The following ZMIZ1 variants were observed in gnomAD, a reference collection of about 807,000 sequenced individuals.
ZMIZ1 encodes the protein zinc finger MIZ-type containing 1, also known as zinc finger MIZ domain-containing protein 1.
In ZMIZ1, 17 loss-of-function variants were observed where a neutral mutation model predicts 113.9. The ratio of observed to expected loss-of-function variants is 0.15; its 90% CI spans 0.10 to 0.22. The LOEUF (loss-of-function observed/expected upper bound fraction) is 0.22, where lower values mean the gene tolerates loss of function less well. Ranked by LOEUF, ZMIZ1 falls within the 10% of genes least tolerant of loss-of-function variation. The pLI is 1.00. For missense variants in ZMIZ1, 1,059 were observed against 1,477.8 expected (o/e 0.72, Z 4.65); for synonymous variants, 607 against 603.1 (o/e 1.01, Z -0.09).
At chr10:79,177,507 C>T (rs1280489957) in intron 4 of ZMIZ1, among the ~76,000 whole-genome samples, 1 of 152,142 alleles carries the variant, frequency 6.6e-6, no homozygotes, top group African/African-American at 2.4e-5. Context: ...GTGAGAAGGG[C>T]CGGGGGAGAT....
chr10:79,092,102 G>C (rs999925180), intron 1 of ZMIZ1, among the ~76,000 whole-genome samples: 17 of 152,150 alleles, frequency 1.1e-4, no homozygotes. Flanking sequence ...TGGGGCTTCT[G>C]AAGATCTGGG....
chr10:79,281,624 G>C (rs1007389447), intron 8 of ZMIZ1, among the ~76,000 whole-genome samples: 1 of 152,220 alleles, frequency 6.6e-6, no homozygotes, highest in Non-Finnish European at 1.5e-5. Context: ...TACTCTTTGG[G>C]CCATAAGTGG....
chr10:79,116,808 G>T (rs2132316194), intron 1 of ZMIZ1, among the ~76,000 whole-genome samples: 1 of 152,296 alleles, frequency 6.6e-6, no homozygotes. Flanking sequence ...ACCCACTAGA[G>T]CCCCCTGTGC....
At chr10:79,307,101 G>A (rs1191277803) in intron 22 of ZMIZ1, among the ~76,000 whole-genome samples, 1 of 152,120 alleles carries the variant, frequency 6.6e-6, no homozygotes. Flanking sequence ...AGCTCAGCAG[G>A]TCTGCTCTAG....
At chr10:79,157,817 G>C (rs1186072058) in intron 3 of ZMIZ1, among the ~76,000 whole-genome samples, 1 of 152,188 alleles carries the variant, frequency 6.6e-6, no homozygotes, top group Non-Finnish European at 1.5e-5. Context: ...CCCGCCAGGG[G>C]AGGACAGGGG....
rs538840212 is a variant in ZMIZ1 at position 79,116,276 on chromosome 10, G to C, written c.-336-2639G>C. On this transcript the variant is annotated intron_variant, in intron 1 of 24. Coordinates refer to ENST00000334512, the MANE Select transcript of ZMIZ1 (RefSeq NM_020338.4). ...TGCTCTGGCCATCACAGTATGGCTGGGGGTGTCTCGACCCTGGGGGAAGAG... is the reference window on the plus strand; with the variant it reads ...TGCTCTGGCCATCACAGTATGGCTGCGGGTGTCTCGACCCTGGGGGAAGAG... Among the ~76,000 whole-genome samples, 6 of 152,172 alleles carry C rather than the reference G, an allele frequency of 3.9e-5. No individual in the cohort carries two copies. In the South Asian group the frequency reaches 1.2e-3, roughly 32 times the overall value.
At chr10:79,201,433 C>T (rs967491032) in intron 4 of ZMIZ1, among the ~76,000 whole-genome samples, 151 bp from the exon 5 acceptor site, 1 of 152,386 alleles carries the variant, frequency 6.6e-6, no homozygotes, top group African/African-American at 2.4e-5. Context: ...TTCCTGCCCT[C>T]AGCCCAGTGG....
intron 1 of ZMIZ1, among the ~76,000 whole-genome samples, chr10:79,095,519 G>A (rs929665485): frequency 7.9e-5 from 12 of 152,226 alleles, no homozygotes; most frequent in East Asian, 3.9e-4. Context: ...CGGCCTTTCC[G>A]GGTGTCAGGC....
At chr10:79,104,950 GGTGTGTGTGTGTGTGTGT>G (rs58453718) in intron 1 of ZMIZ1, among the ~76,000 whole-genome samples, 13 of 140,188 alleles carry the variant, frequency 9.3e-5, no homozygotes, top group African/African-American at 2.9e-4. Context: ...GTTGTTGTGG[GGTGTGTGTGTGTGTGTGT>G]GTGTGTGTGT....
intron 2 of ZMIZ1, among the ~76,000 whole-genome samples, chr10:79,136,882 G>A (rs1845034554): frequency 6.6e-6 from 1 of 152,138 alleles, no homozygotes; most frequent in South Asian, 2.1e-4. Context: ...CCCTGGTGAA[G>A]GCTGGGAATT....
chr10:79,254,532 T>G (rs921564141), intron 7 of ZMIZ1, among the ~76,000 whole-genome samples: 1 of 152,262 alleles, frequency 6.6e-6, no homozygotes, highest in Non-Finnish European at 1.5e-5. Context: ...CGATGGGGCC[T>G]GGCCCGCTGG....
At chr10:79,252,430 G>T (rs1357178231) in intron 7 of ZMIZ1, among the ~76,000 whole-genome samples, 1 of 151,950 alleles carries the variant, frequency 6.6e-6, no homozygotes, top group Admixed American at 6.6e-5. Context: ...TCTCTCCCAG[G>T]AGTGTGTAGT....
chr10:79,187,292 C>G (rs1847389535), intron 4 of ZMIZ1, among the ~76,000 whole-genome samples: 1 of 152,220 alleles, frequency 6.6e-6, no homozygotes, highest in Admixed American at 6.5e-5. Context: ...CTCTCCCATG[C>G]CTGGCTCTAG....
At chr10:79,160,698 T>C (rs1846079661) in intron 3 of ZMIZ1, among the ~76,000 whole-genome samples, 1 of 152,220 alleles carries the variant, frequency 6.6e-6, no homozygotes, top group Non-Finnish European at 1.5e-5. Context: ...CATTTCTCCC[T>C]GGGAGCCCCT....
chr10:79,116,985 G>C (rs79583242), intron 1 of ZMIZ1, among the ~76,000 whole-genome samples: 2,726 of 152,314 alleles, frequency 0.018, 93 homozygotes, highest in African/African-American at 0.061. Flanking sequence ...CTCCTGATTC[G>C]CTTGGGCTCA....
intron 7 of ZMIZ1, among the ~76,000 whole-genome samples, chr10:79,223,532 G>A (rs951432918): frequency 2.6e-5 from 4 of 152,204 alleles, no homozygotes; most frequent in Non-Finnish European, 4.4e-5. Context: ...TTCATCACCC[G>A]GCCCTCTCAG....
intron 22 of ZMIZ1, among the ~76,000 whole-genome samples, chr10:79,306,584 A>G (rs1415137513): frequency 6.6e-6 from 1 of 151,450 alleles, no homozygotes; most frequent in Non-Finnish European, 1.5e-5. Flanking sequence ...TCCCACACCC[A>G]CCCGAGTTCT....
intron 6 of ZMIZ1, among the ~76,000 whole-genome samples, chr10:79,213,828 T>C (rs1848617136): frequency 6.6e-6 from 1 of 152,216 alleles, no homozygotes; most frequent in Admixed American, 6.5e-5. Flanking sequence ...TTCAACCTCT[T>C]TCCTCATCTG....
chr10:79,090,356 G>C (rs1842948637), intron 1 of ZMIZ1, among the ~76,000 whole-genome samples: 1 of 152,176 alleles, frequency 6.6e-6, no homozygotes, highest in South Asian at 2.1e-4. Context: ...GCCCCCTGTG[G>C]CTGTGGCAAG....
Sources: gnomAD v4.1 joint callset for allele counts (sites outside exome capture counted in the v4.1 genomes callset) on GRCh38, gnomAD v4.1.1 for gene constraint, MANE v1.5 for transcripts, NCBI Gene and HGNC (gene_info 2026-07-23, HGNC 2026-07-21) for gene names.